TCF4: variants seen among roughly 807,000 people sequenced by gnomAD.
TCF4 encodes the protein SL3-3 enhancer factor 2.
Under a neutral mutation model 82.1 loss-of-function variants are expected in TCF4, and 3 were observed. The ratio of observed to expected loss-of-function variants is 0.04; its 90% CI spans 0.02 to 0.09. The LOEUF (loss-of-function observed/expected upper bound fraction) is 0.09. Among genes scored for constraint, TCF4 ranks in the 10% least tolerant of loss-of-function variants. TCF4 has a pLI of 1.00. For synonymous variants in TCF4, 276 were observed against 309.6 expected (o/e 0.89, Z 1.14); for missense variants, 518 against 852.7 (o/e 0.61, Z 4.89).
intron 3 of TCF4, chr18:55,551,879 T>C (rs2097263495): frequency 6.6e-6 from 1 of 152,244 alleles, no homozygotes; most frequent in Non-Finnish European, 1.5e-5. Context: ...TCCTGGCTTC[T>C]ACTTTTTCTG....
At chr18:55,317,038 G>A (rs2074315656) in intron 8 of TCF4, among the ~76,000 whole-genome samples, 1 of 151,960 alleles carries the variant, frequency 6.6e-6, no homozygotes, top group Non-Finnish European at 1.5e-5. Context: ...GAGGCAGGAA[G>A]GCAAGATGTA....
At chr18:55,300,954 G>A (rs892006292) in intron 8 of TCF4, among the ~76,000 whole-genome samples, 2 of 152,146 alleles carry the variant, frequency 1.3e-5, no homozygotes, top group African/African-American at 2.4e-5. Context: ...CATCGATCAT[G>A]GGGGAAAATG....
At chr18:55,547,292 C>T (rs2097215250) in intron 3 of TCF4, among the ~76,000 whole-genome samples, 1 of 152,156 alleles carries the variant, frequency 6.6e-6, no homozygotes, top group Non-Finnish European at 1.5e-5. Context: ...TTCCTAAAAG[C>T]CTGTGACTGG....
At chr18:55,388,181 G>A (rs987180016) in intron 6 of TCF4, among the ~76,000 whole-genome samples, 1 of 152,216 alleles carries the variant, frequency 6.6e-6, no homozygotes, top group Admixed American at 6.5e-5. Context: ...AACATGAAGA[G>A]GAAAAGCTTG....
chr18:55,376,018 CTTTT>C (rs772990901), intron 6 of TCF4, among the ~76,000 whole-genome samples: 2 of 122,760 alleles, frequency 1.6e-5, no homozygotes, highest in Admixed American at 8.4e-5. Context: ...TTTTCTTCTC[CTTTT>C]TTTTTTTTTT....
chr18:55,618,988 G>A (rs904964523), intron 2 of TCF4, among the ~76,000 whole-genome samples: 5 of 151,816 alleles, frequency 3.3e-5, no homozygotes, highest in African/African-American at 1.2e-4. Context: ...TAATGTCTTT[G>A]TCTGGTTTTG....
intron 8 of TCF4, among the ~76,000 whole-genome samples, chr18:55,346,172 T>C (rs562754019): frequency 4.6e-5 from 7 of 152,286 alleles, no homozygotes; most frequent in African/African-American, 1.7e-4. Flanking sequence ...CCCTAATAAT[T>C]GCTTCTGTAA....
At chr18:55,621,395 ATGGGG>A (rs2097717920) in intron 2 of TCF4, among the ~76,000 whole-genome samples, 2 of 117,150 alleles carry the variant, frequency 1.7e-5, no homozygotes, top group South Asian at 2.4e-4. Context: ...TGCCTGGTAT[ATGGGG>A]TACTGCCTGA....
chr18:55,625,639 A>C (rs1366018575), intron 2 of TCF4, among the ~76,000 whole-genome samples: 1 of 152,172 alleles, frequency 6.6e-6, no homozygotes, highest in Non-Finnish European at 1.5e-5. Flanking sequence ...CCAGCAATGT[A>C]AGTTTATTTT....
At chr18:55,618,470 T>C (rs908626824) in intron 2 of TCF4, among the ~76,000 whole-genome samples, 2 of 152,164 alleles carry the variant, frequency 1.3e-5, no homozygotes, top group South Asian at 4.1e-4. Flanking sequence ...TCTGACTTTA[T>C]TTGAGTTTTC....
chr18:55,622,380 G>A (rs1244574728), intron 2 of TCF4, among the ~76,000 whole-genome samples: 1 of 151,536 alleles, frequency 6.6e-6, no homozygotes, highest in Non-Finnish European at 1.5e-5. Flanking sequence ...GGTGGTGTAT[G>A]CCCGTGGTCC....
chr18:55,260,177 TGAA>T (rs2145685925), intron 12 of TCF4, 150 bp from the exon 13 acceptor site: 1 of 673,246 alleles, frequency 1.5e-6, no homozygotes, highest in South Asian at 1.7e-5. Context: ...AATTGTCAAA[TGAA>T]GAACTTAACA....
intron 2 of TCF4, chr18:55,586,353 C>T: frequency 3.3e-6 from 2 of 609,036 alleles, no homozygotes; most frequent in Non-Finnish European, 5.8e-6. Context: ...ATTCATTCTC[C>T]TGACATGTCT....
intron 5 of TCF4, among the ~76,000 whole-genome samples, chr18:55,450,146 A>G (rs2095597095): frequency 6.6e-6 from 1 of 152,216 alleles, no homozygotes; most frequent in African/African-American, 2.4e-5. Flanking sequence ...GCTGGTGCTC[A>G]CAGCAATGCC....
chr18:55,562,771 A>G (rs745688288), intron 3 of TCF4, among the ~76,000 whole-genome samples: 19 of 152,240 alleles, frequency 1.2e-4, no homozygotes, highest in Non-Finnish European at 2.6e-4. Context: ...AAAAAAATAA[A>G]CAACTTAGCC....
intron 8 of TCF4, chr18:55,321,616 C>T: frequency 6.5e-7 from 1 of 1,536,018 alleles, no homozygotes; most frequent in Non-Finnish European, 8.7e-7. Flanking sequence ...GGATGCTCAT[C>T]CCTGCGACAA....
At chr18:55,335,607 A>G (rs968967820) in intron 8 of TCF4, among the ~76,000 whole-genome samples, 2 of 152,218 alleles carry the variant, frequency 1.3e-5, no homozygotes, top group Non-Finnish European at 2.9e-5. Flanking sequence ...TGTCTAAAAA[A>G]GACCCCTGAA....
intron 5 of TCF4, among the ~76,000 whole-genome samples, chr18:55,430,083 T>G (rs1047322520): frequency 6.6e-6 from 1 of 152,162 alleles, no homozygotes; most frequent in Admixed American, 6.5e-5. Context: ...ATATTAATAT[T>G]AGAACATTCA....
intron 3 of TCF4, among the ~76,000 whole-genome samples, chr18:55,527,251 C>T (rs558372291): frequency 1.1e-4 from 17 of 152,274 alleles, no homozygotes; most frequent in Admixed American, 3.9e-4. Flanking sequence ...AAAACTGCAA[C>T]GGCAGACTTA....
Sources: gnomAD v4.1 joint callset for allele counts (sites outside exome capture counted in the v4.1 genomes callset) on GRCh38, gnomAD v4.1.1 for gene constraint, MANE v1.5 for transcripts, NCBI Gene and HGNC (gene_info 2026-07-23, HGNC 2026-07-21) for gene names.